Variants in CLASP1 observed in about 807,000 individuals in gnomAD.
CLASP1 encodes the protein CLIP-associating protein 1.
In CLASP1, 38 loss-of-function variants were observed where a neutral mutation model predicts 192.3. The observed-to-expected ratio is 0.20, with a 90% confidence interval of 0.15 to 0.26. The LOEUF (loss-of-function observed/expected upper bound fraction) is 0.26. CLASP1 is among the 10% of genes least tolerant of loss of function. The probability of loss-of-function intolerance (pLI) is 1.00; values close to 1 mark genes in which losing one functional copy is unlikely to be tolerated. For synonymous variants in CLASP1, 691 were observed against 712.8 expected (o/e 0.97, Z 0.49); for missense variants, 1,433 against 1,932.5 (o/e 0.74, Z 4.85).
At chr2:121,394,737 G>A (rs1424209514) in intron 30 of CLASP1, among the ~76,000 whole-genome samples, 4 of 152,012 alleles carry the variant, frequency 2.6e-5, no homozygotes, top group African/African-American at 4.8e-5. Context: ...AAAATTAGCC[G>A]GGCATGGTGG....
chr2:121,387,326 T>C, intron 31 of CLASP1, 98 bp from the exon 33 acceptor site: 5 of 846,528 alleles, frequency 5.9e-6, no homozygotes, highest in South Asian at 2.3e-5. Flanking sequence ...AATAAATGGG[T>C]AGAATCTGCC....
At chr2:121,387,072 A>T (rs1160330556) in intron 32 of CLASP1, 50 bp downstream of exon 33, 5 of 1,421,388 alleles carry the variant, frequency 3.5e-6, no homozygotes, top group African/African-American at 1.4e-5. Flanking sequence ...CACAGCAATT[A>T]AGGTGCTTTA....
At chr2:121,377,979 T>C (rs945650033) in intron 33 of CLASP1, among the ~76,000 whole-genome samples, 1 of 152,230 alleles carries the variant, frequency 6.6e-6, no homozygotes, top group South Asian at 2.1e-4. Context: ...CTTTCTTATT[T>C]TGAAGATGGA....
intron 24 of CLASP1, chr2:121,408,892 T>C (rs2077290108): frequency 2.7e-6 from 2 of 731,688 alleles, no homozygotes; most frequent in African/African-American, 1.8e-5. Context: ...TGAATCACTG[T>C]TATGATTCAA....
chr2:121,641,459 G>T (rs2072058743), intron 1 of CLASP1, among the ~76,000 whole-genome samples: 1 of 152,040 alleles, frequency 6.6e-6, no homozygotes, highest in African/African-American at 2.4e-5. Context: ...AATGTAAAAA[G>T]ATCACATTCT....
intron 1 of CLASP1, among the ~76,000 whole-genome samples, chr2:121,624,527 C>T (rs1013257259): frequency 6.6e-6 from 1 of 152,146 alleles, no homozygotes; most frequent in Non-Finnish European, 1.5e-5. Flanking sequence ...AGCTATTCTC[C>T]TGCCTCAGCC....
intron 1 of CLASP1, among the ~76,000 whole-genome samples, chr2:121,636,338 A>T (rs867953349): frequency 1.4e-5 from 2 of 138,164 alleles, no homozygotes; most frequent in South Asian, 4.7e-4. Flanking sequence ...TCCATTTCAA[A>T]AATAATAATA....
At chr2:121,571,582 T>C (rs559548951) in intron 2 of CLASP1, among the ~76,000 whole-genome samples, 1 of 152,132 alleles carries the variant, frequency 6.6e-6, no homozygotes, top group South Asian at 2.1e-4. Flanking sequence ...TCTGGCAAAG[T>C]GTGGTGTGGG....
In CLASP1 at chr2:121,375,855, T is replaced by A. The variant is rs117807753; in HGVS notation, c.3642+1644A>T. Among the ~76,000 whole-genome samples, 13 of 152,312 alleles carry A rather than the reference T, an allele frequency of 8.5e-5. No homozygotes were observed. The East Asian group carries it at 2.5e-3, about 29-fold the overall frequency. On this transcript the variant is annotated intron_variant, in intron 34 of 39. Coordinates refer to ENST00000263710, the Ensembl canonical transcript of CLASP1. ...GTGGTGTCTGGTTCAGGCTCACTATTTTTATTACATCATGAAACAAAACTA... is the reference window on the plus strand; with the variant it reads ...GTGGTGTCTGGTTCAGGCTCACTATATTTATTACATCATGAAACAAAACTA...
chr2:121,437,487 T>C (rs2082506977), intron 19 of CLASP1, among the ~76,000 whole-genome samples: 1 of 152,222 alleles, frequency 6.6e-6, no homozygotes. Flanking sequence ...ATCTCTGATT[T>C]TGTTTGTGTG....
intron 2 of CLASP1, among the ~76,000 whole-genome samples, chr2:121,547,816 C>CA (rs1223877423): frequency 2.0e-5 from 3 of 152,068 alleles, no homozygotes; most frequent in Non-Finnish European, 2.9e-5. Flanking sequence ...GCTTCAACAC[C>CA]AAAAATACCT....
intron 37 of CLASP1, among the ~76,000 whole-genome samples, chr2:121,355,538 G>A (rs537551522): frequency 1.4e-4 from 22 of 152,276 alleles, no homozygotes; most frequent in African/African-American, 4.8e-4. Flanking sequence ...TTTTCACTGG[G>A]GTTAGAGAAA....
chr2:121,612,573 G>A (rs966642650), intron 1 of CLASP1, among the ~76,000 whole-genome samples: 1 of 150,630 alleles, frequency 6.6e-6, no homozygotes, highest in Non-Finnish European at 1.5e-5. Context: ...TTGGAGGAGG[G>A]GGAAGAAGAG....
chr2:121,451,088 G>C, intron 15 of CLASP1, 98 bp from the exon 16 acceptor site: 1 of 835,510 alleles, frequency 1.2e-6, no homozygotes, highest in Non-Finnish European at 2.0e-6. Flanking sequence ...GCAACATGGA[G>C]CTGGGAGCCT....
chr2:121,427,413 G>T (rs944957335), exon 21 of CLASP1: 1 of 1,612,936 alleles, frequency 6.2e-7, no homozygotes. Context: ...CCACCAGCAG[G>T]ATTAGCAGAT....
intron 35 of CLASP1, among the ~76,000 whole-genome samples, 177 bp downstream of exon 36, chr2:121,367,411 C>T (rs1237556889): frequency 2.6e-5 from 4 of 152,206 alleles, no homozygotes; most frequent in Admixed American, 6.5e-5. Context: ...CCATGTTCCC[C>T]GTGCCCAAGC....
At chr2:121,537,624 G>A (rs1266590147) in intron 2 of CLASP1, among the ~76,000 whole-genome samples, 1 of 152,156 alleles carries the variant, frequency 6.6e-6, no homozygotes, top group Non-Finnish European at 1.5e-5. Context: ...GCAAAGTGAA[G>A]AAAGACAATT....
intron 8 of CLASP1, among the ~76,000 whole-genome samples, chr2:121,500,356 G>C (rs1268336965): frequency 1.2e-5 from 1 of 85,788 alleles, no homozygotes; most frequent in Non-Finnish European, 2.2e-5. Flanking sequence ...AAGAAAGAAA[G>C]AAAGAAAGAA....
intron 1 of CLASP1, among the ~76,000 whole-genome samples, chr2:121,641,794 A>G (rs920376913): frequency 6.6e-6 from 1 of 152,244 alleles, no homozygotes; most frequent in African/African-American, 2.4e-5. Flanking sequence ...AAACTAACAC[A>G]TTCTTAGATT....
Sources: allele counts gnomAD v4.1 joint callset (sites outside exome capture counted in the v4.1 genomes callset), GRCh38; gene constraint gnomAD v4.1.1; transcripts MANE v1.5; gene names NCBI Gene and HGNC (gene_info 2026-07-23, HGNC 2026-07-21).